Variants in KCNJ3 observed in about 807,000 individuals in gnomAD.
KCNJ3 encodes the protein potassium inwardly rectifying channel subfamily J member 3, also known as G protein-activated inward rectifier potassium channel 1.
KCNJ3 carries 4 observed loss-of-function variants against 39.2 expected under a neutral mutation model. The observed-to-expected ratio is 0.10, with a 90% CI of 0.05 to 0.23. The LOEUF (loss-of-function observed/expected upper bound fraction) is 0.23. Ranked by LOEUF, KCNJ3 falls within the 10% of genes least tolerant of loss-of-function variation. The pLI, the probability that KCNJ3 is intolerant of heterozygous loss-of-function variation, is 1.00. For missense variants in KCNJ3, 276 were observed against 634.9 expected (o/e 0.43, Z 6.08); for synonymous variants, 230 against 237.4 (o/e 0.97, Z 0.29).
chr2:154,836,400 A>G (rs1224892734), intron 2 of KCNJ3, among the ~76,000 whole-genome samples: 1 of 152,006 alleles, frequency 6.6e-6, no homozygotes, highest in East Asian at 1.9e-4. Flanking sequence ...GCATTTTTAT[A>G]TCTTTGACTT....
chr2:154,799,888 C>T (rs941231203), intron 2 of KCNJ3, among the ~76,000 whole-genome samples: 3 of 152,180 alleles, frequency 2.0e-5, no homozygotes, highest in East Asian at 1.9e-4. Flanking sequence ...AGTCATAATT[C>T]GTAAGAAATT....
intron 2 of KCNJ3, among the ~76,000 whole-genome samples, chr2:154,741,977 C>G (rs1685661593): frequency 6.6e-6 from 1 of 151,714 alleles, no homozygotes; most frequent in South Asian, 2.1e-4. Flanking sequence ...TATCATCCCT[C>G]TCTATAATTC....
At chr2:154,847,402 A>G (rs759701106) in intron 2 of KCNJ3, among the ~76,000 whole-genome samples, 7 of 152,210 alleles carry the variant, frequency 4.6e-5, no homozygotes, top group Non-Finnish European at 7.3e-5. Context: ...AAACAGCTAT[A>G]GTCCTCATTT....
At chr2:154,736,374 TAAAAAAAAAAAAAAA>T (rs70983745) in intron 2 of KCNJ3, among the ~76,000 whole-genome samples, 103 of 93,218 alleles carry the variant, frequency 1.1e-3, no homozygotes, top group East Asian at 4.2e-3. Flanking sequence ...TCACTAGTTC[TAAAAAAAAAAAAAAA>T]AAAAAAAAAA....
chr2:154,757,136 T>C (rs113202145), intron 2 of KCNJ3, among the ~76,000 whole-genome samples: 3 of 152,138 alleles, frequency 2.0e-5, no homozygotes, highest in Admixed American at 1.3e-4. Context: ...AGGACATATA[T>C]GAGTAGATAA....
intron 2 of KCNJ3, among the ~76,000 whole-genome samples, chr2:154,775,128 G>C (rs542204187): frequency 5.9e-5 from 9 of 152,216 alleles, no homozygotes; most frequent in African/African-American, 2.2e-4. Flanking sequence ...TATTGCCCAG[G>C]CTGGTCTCAA....
At chr2:154,799,192 C>T (rs895738785) in intron 2 of KCNJ3, among the ~76,000 whole-genome samples, 2 of 152,112 alleles carry the variant, frequency 1.3e-5, no homozygotes, top group African/African-American at 2.4e-5. Context: ...AGTGCAGTGG[C>T]ACGATCTTGG....
intron 2 of KCNJ3, among the ~76,000 whole-genome samples, chr2:154,740,053 T>C (rs1685625604): frequency 6.6e-6 from 1 of 152,042 alleles, no homozygotes; most frequent in Non-Finnish European, 1.5e-5. Flanking sequence ...TGAAACAAAG[T>C]AAACATAAAC....
At chr2:154,848,089 A>AAT (rs1410451070) in intron 2 of KCNJ3, among the ~76,000 whole-genome samples, 4 of 152,186 alleles carry the variant, frequency 2.6e-5, no homozygotes, top group Non-Finnish European at 5.9e-5. Context: ...TAACAACTCA[A>AAT]ATATATATAC....
intron 2 of KCNJ3, among the ~76,000 whole-genome samples, chr2:154,744,818 C>T (rs910631288): frequency 5.3e-5 from 8 of 151,682 alleles, no homozygotes; most frequent in African/African-American, 1.9e-4. Context: ...TGATTTTGCT[C>T]TTGTCTTTAT....
chr2:154,739,405 G>A (rs1276139736), intron 2 of KCNJ3, among the ~76,000 whole-genome samples: 3 of 151,988 alleles, frequency 2.0e-5, no homozygotes, highest in Admixed American at 2.0e-4. Context: ...CTTAGAATAA[G>A]TGTCCAGTTG....
intron 2 of KCNJ3, among the ~76,000 whole-genome samples, chr2:154,732,446 A>G (rs761134942): frequency 1.4e-4 from 21 of 152,158 alleles, no homozygotes; most frequent in Non-Finnish European, 2.1e-4. Flanking sequence ...TTTAGAAACA[A>G]ACAAACAAAA....
chr2:154,829,519 C>G (rs1460886990), intron 2 of KCNJ3, among the ~76,000 whole-genome samples: 1 of 152,134 alleles, frequency 6.6e-6, no homozygotes, highest in Admixed American at 6.6e-5. Context: ...CTTTTAAAAT[C>G]CAGTCAACCA....
intron 2 of KCNJ3, among the ~76,000 whole-genome samples, chr2:154,813,846 C>T (rs1256064248): frequency 2.0e-5 from 3 of 152,160 alleles, no homozygotes; most frequent in East Asian, 1.9e-4. Flanking sequence ...TGGCATCTTC[C>T]TCACATAGAA....
chr2:154,771,061 T>C (rs1027381246), intron 2 of KCNJ3, among the ~76,000 whole-genome samples: 3 of 152,138 alleles, frequency 2.0e-5, no homozygotes, highest in Admixed American at 1.3e-4. Context: ...GGCTAATTTT[T>C]GTTATTTTTC....
chr2:154,827,506 T>C (rs1476802769), intron 2 of KCNJ3, among the ~76,000 whole-genome samples: 2 of 152,216 alleles, frequency 1.3e-5, no homozygotes, highest in African/African-American at 2.4e-5. Context: ...CTTATGTTAA[T>C]GAGACTGTTT....
chr2:154,800,456 T>C (rs2105216270), intron 2 of KCNJ3, among the ~76,000 whole-genome samples: 1 of 152,336 alleles, frequency 6.6e-6, no homozygotes, highest in South Asian at 2.1e-4. Context: ...CCATTCTCTT[T>C]CTCCCACACC....
chr2:154,760,878 A>G (rs953894969), intron 2 of KCNJ3, among the ~76,000 whole-genome samples: 1 of 150,370 alleles, frequency 6.7e-6, no homozygotes, highest in African/African-American at 2.4e-5. Flanking sequence ...CTGGGACTAC[A>G]GGTGCCCGCC....
intron 2 of KCNJ3, among the ~76,000 whole-genome samples, chr2:154,742,879 A>G (rs57394855): frequency 0.076 from 11,585 of 151,828 alleles, 538 homozygotes; most frequent in African/African-American, 0.13. Flanking sequence ...AGTTTTCATT[A>G]AGTCCAATTT....
Sources: allele counts gnomAD v4.1 joint callset (sites outside exome capture counted in the v4.1 genomes callset), GRCh38; gene constraint gnomAD v4.1.1; transcripts MANE v1.5; gene names NCBI Gene and HGNC (gene_info 2026-07-23, HGNC 2026-07-21).